The following UFL1 variants were observed in gnomAD, a reference collection of about 807,000 sequenced individuals.
The protein encoded by UFL1 is UFM1 specific ligase 1, also known as E3 UFM1-protein ligase 1.
A neutral mutation model predicts 99.3 loss-of-function variants in UFL1; 78 were observed. The observed-to-expected ratio is 0.79, with a 90% CI of 0.65 to 0.95. The LOEUF (loss-of-function observed/expected upper bound fraction) is 0.95. Ranked by LOEUF, UFL1 falls within the 40% of genes least tolerant of loss-of-function variation. UFL1 has a pLI of 0.00. For missense variants in UFL1, 936 were observed against 937.0 expected, an observed-to-expected ratio of 1.00 and a Z score of 0.01; for synonymous variants, 335 against 322.2, an observed-to-expected ratio of 1.04 and a Z score of -0.42.
Position 96,537,355 on chromosome 6 carries a change from C to A in UFL1, c.803-19C>A. 1 of 1,522,230 alleles carries A rather than the reference C, an allele frequency of 6.6e-7. No homozygotes were observed. Among genetic ancestry groups the A allele is most frequent in the Non-Finnish European group, 8.8e-7 (1 of 1,140,714 alleles). 94.3% of individuals were successfully genotyped at this position (1,522,230 alleles called of 1,614,324 possible). Reference sequence around the variant, plus strand: ...CATGTAATTGACAATTCTAATCCAACTTTGTGATATATTTGTAGAATTTGA... The same window carrying A: ...CATGTAATTGACAATTCTAATCCAAATTTGTGATATATTTGTAGAATTTGA... On this transcript the variant is annotated intron_variant, in intron 8 of 18. Transcript: ENST00000369278.
At chr6:96,528,349 T>G (rs1461770267) in intron 5 of UFL1, among the ~76,000 whole-genome samples, 153 bp from the exon 6 acceptor site, 2 of 152,222 alleles carry the variant, frequency 1.3e-5, no homozygotes, top group African/African-American at 2.4e-5. Flanking sequence ...AATCTTCACT[T>G]TAGTTGATAT....
At chr6:96,527,632 A>G (rs962588042) in intron 5 of UFL1, among the ~76,000 whole-genome samples, 12 of 152,142 alleles carry the variant, frequency 7.9e-5, no homozygotes, top group Non-Finnish European at 1.5e-4. Context: ...ATGGGCAAAC[A>G]TATGTTAATC....
intron 8 of UFL1, 144 bp from the exon 9 acceptor site, chr6:96,537,230 A>G: frequency 1.8e-6 from 1 of 541,624 alleles, no homozygotes; most frequent in South Asian, 4.4e-5. Flanking sequence ...TTTCTTAAGC[A>G]TGATTATTTG....
At chr6:96,552,835 CTCAAGAATCTT>C (rs1469032811) in intron 18 of UFL1, among the ~76,000 whole-genome samples, 173 bp downstream of exon 18, 3 of 152,050 alleles carry the variant, frequency 2.0e-5, no homozygotes, top group African/African-American at 7.2e-5. Context: ...TTCCACATAG[CTCAAGAATCTT>C]TCAAGAATGT....
At chr6:96,526,486 A>G (rs754394358) in intron 5 of UFL1, 51 bp downstream of exon 5, 1 of 1,468,894 alleles carries the variant, frequency 6.8e-7, no homozygotes, top group Non-Finnish European at 9.4e-7. Flanking sequence ...AGGATTTTAA[A>G]CGAAGACTTT....
At chr6:96,541,512 C>T (rs1769930185) in intron 11 of UFL1, among the ~76,000 whole-genome samples, 2 of 151,298 alleles carry the variant, frequency 1.3e-5, no homozygotes, top group Admixed American at 6.6e-5. Context: ...AATAAATACA[C>T]TTCTAATTCT....
rs888971420 is a variant in UFL1 at position 96,555,269 on chromosome 6, C to G, written c.*1766C>G. On this transcript the variant is annotated 3_prime_UTR_variant, in exon 19 of 19. Transcript: ENST00000369278. ...GTTATTTAAAATAAAGTTACCTATT[C>G]TACTAAATTTTATAGTACTTTGAAG... 6.6e-6 allele frequency: 1 copy of G among 151,980 alleles called. No individual in the cohort carries two copies. Among genetic ancestry groups the G allele is most frequent in the Non-Finnish European group, 1.5e-5 (1 of 67,974 alleles). The allele number at this position is 151,980 out of a possible 1,614,324, so 9.4% of individuals were successfully genotyped here.
chr6:96,530,492 T>C (rs796872611), intron 6 of UFL1, among the ~76,000 whole-genome samples: 36 of 152,304 alleles, frequency 2.4e-4, no homozygotes, highest in African/African-American at 8.7e-4. Flanking sequence ...GGGAGGGCAA[T>C]TTGGGACCAT....
chr6:96,550,890 A>G (rs1770069354), intron 15 of UFL1, among the ~76,000 whole-genome samples: 1 of 152,010 alleles, frequency 6.6e-6, no homozygotes, highest in Non-Finnish European at 1.5e-5. Flanking sequence ...GTGTCAAGCC[A>G]TACTAGCAAG....
intron 12 of UFL1, 148 bp from the exon 13 acceptor site, chr6:96,548,016 G>T: frequency 3.4e-6 from 2 of 581,920 alleles, no homozygotes; most frequent in South Asian, 4.3e-5. Flanking sequence ...TTTCAAAATT[G>T]TTTTTACTAG....
chr6:96,551,497 ACT>A lies in UFL1; in HGVS notation c.1888_1889del (p.Leu630GlufsTer2). On this transcript the variant is annotated frameshift_variant, in exon 16 of 19. Transcript: ENST00000369278. LOFTEE classifies it high-confidence loss of function. ...AAAGTAGCTCTTACAAAACTCCATA[ACT>A]CTCTGAATGAAAAGGTAAGTAAAGT... 6.5e-7 allele frequency: 1 copy of A among 1,529,708 alleles called. No homozygotes were observed. Among genetic ancestry groups the A allele is most frequent in the East Asian group, 2.4e-5 (1 of 42,346 alleles). 94.8% of individuals were successfully genotyped at this position (1,529,708 alleles called of 1,614,324 possible). A position where few individuals can be genotyped will look rare whatever the true frequency, so the allele number is the denominator to read the frequency against.
In UFL1 at chr6:96,538,717, T is replaced by C. The variant is rs1257724767; in HGVS notation, c.1065T>C (p.Thr355=). Residue 355 remains threonine, a synonymous_variant, in exon 10 of 19, where the codon ACT becomes ACC. Transcript: ENST00000369278. ...GGGCATTCAGCAAACAGGCCTCAAC[T>C]GTAGTCTTTAGCGACACTGTTGTAG... ...VMRAFSKQAS[T]VVFSDTVVVS... 1 of 1,611,694 alleles carries C rather than the reference T, an allele frequency of 6.2e-7. No individual in the cohort carries two copies. The highest frequency in any genetic ancestry group is 1.3e-5 in the African/African-American group (1 of 74,880).
At chr6:96,549,835 T>C (rs1006285933) in intron 15 of UFL1, 36 bp downstream of exon 15, 1 of 1,602,548 alleles carries the variant, frequency 6.2e-7, no homozygotes, top group African/African-American at 1.3e-5. Flanking sequence ...ATTGATGTGT[T>C]CTGTTTTGCA....
intron 6 of UFL1, among the ~76,000 whole-genome samples, 184 bp downstream of exon 6, chr6:96,528,816 CCTCT>C (rs1562251404): frequency 6.6e-6 from 1 of 152,126 alleles, no homozygotes; most frequent in Admixed American, 6.5e-5. Flanking sequence ...TAGAATGCAG[CCTCT>C]CTCTCCAGTC....
At chr6:96,535,843 A>G (rs1769845236) in intron 7 of UFL1, among the ~76,000 whole-genome samples, 1 of 152,032 alleles carries the variant, frequency 6.6e-6, no homozygotes, top group Non-Finnish European at 1.5e-5. Context: ...TAAATATTAA[A>G]AAACGGAACT....
chr6:96,528,328 G>A lies in UFL1; in HGVS notation c.466-174G>A, dbSNP rs551073759. Among the ~76,000 whole-genome samples, 32 of 152,270 alleles carry A rather than the reference G, an allele frequency of 2.1e-4. No individual in the cohort carries two copies. The South Asian group carries it at 6.4e-3, about 31-fold the overall frequency. The stretch of plus-strand genomic sequence containing the variant: ...GCTCTGCCATGAGATAGTGAACTTT[G>A]CTAGACACTGAATCTTCACTTTAGT... On this transcript the variant is annotated intron_variant, in intron 5 of 18. Transcript: ENST00000369278.
Position 96,536,391 on chromosome 6 carries a change from G to A in UFL1, c.802+1G>A. On this transcript the variant is annotated splice_donor_variant, in intron 8 of 18. Coordinates refer to ENST00000369278, the MANE Select transcript of UFL1 (RefSeq NM_015323.5). LOFTEE classifies it high-confidence loss of function. ...TTTTTCAGGCAGAATGGCTATCTAG[G>A]TAACTTTCTTATTTCTTTAAAACTA... 1 of 1,593,860 alleles carries A rather than the reference G, an allele frequency of 6.3e-7. No individual in the cohort carries two copies.
At chr6:96,523,354 A>C in intron 2 of UFL1, 63 bp downstream of exon 2, 1 of 1,458,396 alleles carries the variant, frequency 6.9e-7, no homozygotes, top group South Asian at 1.5e-5. Context: ...ACAAACAAAC[A>C]AAACCCGTAA....
chr6:96,549,194 CT>C (rs1207519924), intron 13 of UFL1, among the ~76,000 whole-genome samples: 5 of 151,464 alleles, frequency 3.3e-5, no homozygotes, highest in Non-Finnish European at 5.9e-5. Context: ...ATTGCAGTAA[CT>C]TTGAATACTT....
Sources: allele counts gnomAD v4.1 joint callset (sites outside exome capture counted in the v4.1 genomes callset), GRCh38; gene constraint gnomAD v4.1.1; transcripts MANE v1.5; gene names NCBI Gene and HGNC (gene_info 2026-07-23, HGNC 2026-07-21).